The following MCM5 variants were observed in gnomAD, a reference collection of about 807,000 sequenced individuals.
MCM5 encodes the protein DNA replication licensing factor MCM5.
Under a neutral mutation model 79.9 loss-of-function variants are expected in MCM5, and 46 were observed. The ratio of observed to expected loss-of-function variants is 0.58; its 90% confidence interval spans 0.45 to 0.74. The LOEUF is 0.74. MCM5 is among the 30% of genes least tolerant of loss of function. The pLI is 0.00. For synonymous variants in MCM5, 404 were observed against 390.5 expected (o/e 1.03, Z -0.41); for missense variants, 883 against 1,017.0 (o/e 0.87, Z 1.79).
In MCM5 at chr22:35,424,212, T is replaced by TC; in HGVS notation, c.2164dup (p.Gln722ProfsTer37). On this transcript the variant is annotated frameshift_variant, in exon 17 of 17. Transcript: ENST00000216122. LOFTEE classifies it high-confidence loss of function. ...CAGCTCATGCTGCGGCGCGGCGAGA[T>TC]CCAGCATCGCATGCAGCGCAAGGTT... is the stretch of plus-strand genomic sequence containing the variant. 1 of 1,553,438 alleles carries TC rather than the reference T, an allele frequency of 6.4e-7. No homozygotes were observed.
intron 7 of MCM5, 116 bp downstream of exon 7, chr22:35,411,026 T>A: frequency 1.1e-6 from 1 of 900,848 alleles, no homozygotes; most frequent in Non-Finnish European, 1.7e-6. Flanking sequence ...GTGTTGCTCA[T>A]ATCATTAGAA....
chr22:35,408,371 G>C (rs1324074430), intron 5 of MCM5, 37 bp from the exon 6 acceptor site: 1 of 1,586,170 alleles, frequency 6.3e-7, no homozygotes, highest in Non-Finnish European at 8.6e-7. Flanking sequence ...GGATTCTCCA[G>C]GTAGCTTTGG....
chr22:35,417,806 G>T lies in MCM5; in HGVS notation c.1653G>T (p.Glu551Asp). 6.2e-7 allele frequency: 1 copy of T among 1,614,174 alleles called. No homozygotes were observed. Among genetic ancestry groups the T allele is most frequent in the Non-Finnish European group, 8.5e-7 (1 of 1,180,016 alleles). The change falls in exon 13 of 17, where the codon GAG becomes GAT. Residue 551 changes from glutamate to aspartate, a missense_variant. Coordinates refer to ENST00000216122, the MANE Select transcript of MCM5 (RefSeq NM_006739.4). ...CACTGACACAGACACAGGCTGTGGA[G>T]GGCGAGATTGACCTGGCCAAGCTGA... ...VSALTQTQAV[E>D]GEIDLAKLKK...
At chr22:35,428,008 G>GCT (rs570616906), downstream of MCM5, among the ~76,000 whole-genome samples, 252 of 139,928 alleles carry the variant, frequency 1.8e-3, 16 homozygotes, top group Non-Finnish European at 2.7e-3. Context: ...GACCCCCATC[G>GCT]CTCTCTCTCT....
chr22:35,424,368 TC>T lies in MCM5; in HGVS notation c.*116del. On this transcript the variant is annotated 3_prime_UTR_variant, in exon 17 of 17. Coordinates refer to ENST00000216122, the MANE Select transcript of MCM5 (RefSeq NM_006739.4). The stretch of plus-strand genomic sequence containing the variant: ...GCCTCCCCACTGCAGCCCTCGAACT[TC>T]CCAGGCACCCTCCTTTCTGCCCCAG... The T allele has an allele frequency of 2.7e-6, 2 of 745,330 alleles. No individual in the cohort carries two copies. 46.2% of individuals were successfully genotyped at this position (745,330 alleles called of 1,614,324 possible). A position where few individuals can be genotyped will look rare whatever the true frequency, so the allele number is the denominator to read the frequency against.
chr22:35,421,214 C>T, intron 14 of MCM5, 104 bp from the exon 15 acceptor site: 1 of 1,237,548 alleles, frequency 8.1e-7, no homozygotes, highest in Non-Finnish European at 1.1e-6. Context: ...CAGTCTCCAC[C>T]ACAGTCTTAC....
At chr22:35,452,743 G>A in the MCM5 span, among the ~76,000 whole-genome samples, 258 of 152,266 alleles carry the variant, frequency 1.7e-3, 2 homozygotes, top group Admixed American at 0.013. Context: ...TGGGGTGGTG[G>A]TGCCAGTGTG....
At chr22:35,437,231 C>CG in the MCM5 span, among the ~76,000 whole-genome samples, 1 of 7,074 alleles carries the variant, frequency 1.4e-4, no homozygotes, top group African/African-American at 1.8e-3. Flanking sequence ...GGTCATGTGA[C>CG]TGGACTGGCC....
At position 35,425,387 on chromosome 22, in the gene MCM5, G is replaced by A. The variant is rs904964260; in HGVS notation, c.*1132G>A. 4.6e-5 allele frequency: 7 copies of A among 152,208 alleles called. No individual in the cohort carries two copies. Among genetic ancestry groups the A allele is most frequent in the Admixed American group, 3.3e-4 (5 of 15,278 alleles). The allele number at this position is 152,208 out of a possible 1,614,324, so 9.4% of individuals were successfully genotyped here. ...CATGTAAAAATGACACGAACTTGAA[G>A]TAAGATTATTTGATTTTTCTAAAAA... is the stretch of plus-strand genomic sequence containing the variant. On this transcript the variant is annotated 3_prime_UTR_variant, in exon 17 of 17. Transcript: ENST00000216122.
chr22:35,435,660 G>A, the MCM5 span, among the ~76,000 whole-genome samples: 593 of 152,300 alleles, frequency 3.9e-3, 4 homozygotes, highest in African/African-American at 0.014. Context: ...GTGGGTCTGA[G>A]TGGGACACAA....
At chr22:35,428,970 CTTTTTTT>C (rs35549972), downstream of MCM5, among the ~76,000 whole-genome samples, 4 of 65,516 alleles carry the variant, frequency 6.1e-5, no homozygotes, top group African/African-American at 6.7e-5. Flanking sequence ...TTTCTTTGAC[CTTTTTTT>C]TTTTTTTTTT....
At chr22:35,416,278 C>T in intron 10 of MCM5, 61 bp from the exon 11 acceptor site, 1 of 1,519,284 alleles carries the variant, frequency 6.6e-7, no homozygotes, top group Non-Finnish European at 9.1e-7. Flanking sequence ...TTTCCTGTTT[C>T]TACTGCTCCC....
chr22:35,439,321 A>G, the MCM5 span, among the ~76,000 whole-genome samples: 2 of 151,920 alleles, frequency 1.3e-5, no homozygotes, highest in South Asian at 2.1e-4. Flanking sequence ...CCACCCACCC[A>G]TCCATCCATC....
chr22:35,438,275 ATATTCATCCGTCCATCCACCCACTCACC>A, the MCM5 span, among the ~76,000 whole-genome samples: 2 of 64,680 alleles, frequency 3.1e-5, no homozygotes, highest in South Asian at 1.3e-3. Flanking sequence ...ACCCACCCAC[ATATTCATCCGTCCATCCACCCACTCACC>A]TATTCATCCG....
intron 4 of MCM5, among the ~76,000 whole-genome samples, chr22:35,405,020 ATTTTTTTTT>A (rs35626347): frequency 8.7e-6 from 1 of 114,362 alleles, no homozygotes; most frequent in African/African-American, 3.4e-5. Context: ...CTAGAGGCCA[ATTTTTTTTT>A]TTTTTTTTTT....
chr22:35,405,237 C>G (rs4645754), intron 4 of MCM5, among the ~76,000 whole-genome samples: 1 of 151,914 alleles, frequency 6.6e-6, no homozygotes, highest in African/African-American at 2.4e-5. Flanking sequence ...AGGCTGGTCT[C>G]GAACTCCTGA....
chr22:35,421,501 T>G (rs775559499), intron 15 of MCM5, 41 bp downstream of exon 15: 19 of 1,613,182 alleles, frequency 1.2e-5, no homozygotes, highest in Non-Finnish European at 1.5e-5. Context: ...TGATCTGGGT[T>G]CCCTGGCTCG....
rs547797175 is a variant in MCM5 at position 35,420,272 on chromosome 22, G to A, written c.1832+260G>A. On this transcript the variant is annotated intron_variant, in intron 14 of 16. Coordinates refer to ENST00000216122, the MANE Select transcript of MCM5 (RefSeq NM_006739.4). ...TGGCTTCTCCCATTGTAGGAAGCCC[G>A]AAGGGAGGGAAGGACCCAGGCCTGG... 5.3e-5 allele frequency among the ~76,000 whole-genome samples: 8 copies of A among 152,322 alleles called. No individual in the cohort carries two copies. The South Asian group carries it at 6.2e-4, about 12-fold the overall frequency.
intron 5 of MCM5, among the ~76,000 whole-genome samples, chr22:35,407,590 G>T (rs1029930684): frequency 6.6e-6 from 1 of 152,022 alleles, no homozygotes; most frequent in Non-Finnish European, 1.5e-5. Flanking sequence ...CACTGCCTTT[G>T]ACCTTGCTGT....
Sources: allele counts gnomAD v4.1 joint callset (sites outside exome capture counted in the v4.1 genomes callset), GRCh38; gene constraint gnomAD v4.1.1; transcripts MANE v1.5; gene names NCBI Gene and HGNC (gene_info 2026-07-23, HGNC 2026-07-21).